Variants in KLHL22 observed in about 807,000 individuals in gnomAD.
KLHL22 encodes the protein kelch-like protein 22.
In KLHL22, 18 loss-of-function variants were observed where a neutral mutation model predicts 60.7. The observed-to-expected ratio is 0.30, with a 90% CI of 0.20 to 0.44. The LOEUF is 0.44. KLHL22 is among the 20% of genes least tolerant of loss of function. The pLI is 1.00. For synonymous variants in KLHL22, 355 were observed against 354.5 expected (o/e 1.00, Z -0.01); for missense variants, 596 against 852.3 (o/e 0.70, Z 3.74).
At chr22:20,476,330 T>C (rs965062347) in intron 2 of KLHL22, among the ~76,000 whole-genome samples, 12 of 151,952 alleles carry the variant, frequency 7.9e-5, no homozygotes, top group African/African-American at 2.7e-4. Context: ...TGGGACTATA[T>C]TGGCAGCAGT....
chr22:20,488,453 G>A (rs2053622600), intron 2 of KLHL22: 2 of 163,412 alleles, frequency 1.2e-5, no homozygotes, highest in Admixed American at 1.1e-4. Flanking sequence ...CATGTCAGGT[G>A]CTAGGGATAA....
At chr22:20,478,750 G>A (rs1236462006) in intron 2 of KLHL22, among the ~76,000 whole-genome samples, 1 of 148,422 alleles carries the variant, frequency 6.7e-6, no homozygotes, top group Non-Finnish European at 1.5e-5. Flanking sequence ...TCCTGACCTC[G>A]TGATCCTCCC....
At position 20,478,375 on chromosome 22, in the gene KLHL22, T is replaced by C. The variant is rs9623646; in HGVS notation, c.228-6860A>G. Among the ~76,000 whole-genome samples, 1,431 of 151,372 alleles carry C rather than the reference T, an allele frequency of 9.5e-3. 27 individuals are homozygous for C. The highest frequency in any genetic ancestry group is 0.033 in the African/African-American group (1,355 of 41,206). ...CATGCGCCACCACACCCGGCTAATT[T>C]TGTATTTTTAGAAGAGATGGGGTTT... On this transcript the variant is annotated intron_variant, in intron 2 of 6. Transcript: ENST00000328879.
chr22:20,456,765 G>A (rs371536206), intron 5 of KLHL22, among the ~76,000 whole-genome samples: 1 of 152,238 alleles, frequency 6.6e-6, no homozygotes, highest in Non-Finnish European at 1.5e-5. Flanking sequence ...CCTGGATAAA[G>A]AAGAGCTGGA....
At position 20,464,872 on chromosome 22, in the gene KLHL22, C is replaced by G; in HGVS notation, c.1098G>C (p.Glu366Asp). ...GDNNVQGFRAESRCWRYDPRH... is the reference protein window; with the variant it reads ...GDNNVQGFRADSRCWRYDPRH... The stretch of plus-strand genomic sequence containing the variant: ...CCCTGTCCTACCTCCAGCATCGGGA[C>G]TCTGCTCGAAATCCTTGGACATTGT... Residue 366 changes from glutamate (E) to aspartate (D), a missense_variant, in exon 4 of 7, where the codon GAG (glutamate) becomes GAC (aspartate). By Grantham distance (45) the Glu-to-Asp change is conservative. Coordinates refer to ENST00000328879, the MANE Select transcript of KLHL22 (RefSeq NM_032775.4). 1 of 1,537,138 alleles carries G rather than the reference C, an allele frequency of 6.5e-7. No individual in the cohort carries two copies. Among genetic ancestry groups the G allele is most frequent in the Non-Finnish European group, 8.8e-7 (1 of 1,141,046 alleles).
intron 5 of KLHL22, among the ~76,000 whole-genome samples, chr22:20,449,270 C>T (rs1307004191): frequency 6.6e-6 from 1 of 152,090 alleles, no homozygotes; most frequent in Non-Finnish European, 1.5e-5. Context: ...CCGTGTTAGC[C>T]AGGATGGTCT....
chr22:20,451,487 C>T, intron 5 of KLHL22: 1 of 1,596,304 alleles, frequency 6.3e-7, no homozygotes, highest in South Asian at 1.1e-5. Flanking sequence ...ACTAATGTTA[C>T]ACCAATGGCC....
rs555442224 is a variant in KLHL22, at chr22:20,457,856, G to A, written c.1257C>T (p.Tyr419=). 5.3e-5 allele frequency: 85 copies of A among 1,610,312 alleles called. No homozygotes were observed. The highest frequency in any genetic ancestry group is 1.7e-4 in the Middle Eastern group (1 of 6,060). ...ATGCCCAGGAGTTGGTGGCAGGGTC[G>A]TAGCGCTCCACAGCATTCAGGTCAT... ...YHNDLNAVER[Y]DPATNSWAYV... The change falls in exon 5 of 7, where the codon TAC becomes TAT. Residue 419 remains tyrosine (Y), a synonymous_variant. Transcript: ENST00000328879.
rs1309339263 is a variant in KLHL22 at position 20,470,181 on chromosome 22, A to AAT, written c.393+1167_393+1168dup. ...TAACAAGGCCCCATTCCTATAAAAA[A>AAT]ATATATATATATATAATATCAGCTA... On this transcript the variant is annotated intron_variant, in intron 3 of 6. Coordinates refer to ENST00000328879, the MANE Select transcript of KLHL22 (RefSeq NM_032775.4). Among the ~76,000 whole-genome samples the AAT allele has an allele frequency of 7.9e-5, 12 of 151,056 alleles. No individual in the cohort carries two copies. The East Asian group carries it at 1.4e-3, about 17-fold the overall frequency.
intron 5 of KLHL22, among the ~76,000 whole-genome samples, chr22:20,454,969 C>T (rs2053039620): frequency 6.6e-6 from 1 of 152,170 alleles, no homozygotes; most frequent in South Asian, 2.1e-4. Context: ...ACAACCTCTG[C>T]CTCCCGGGTT....
At chr22:20,455,666 G>A (rs2053052045) in intron 5 of KLHL22, among the ~76,000 whole-genome samples, 2 of 152,204 alleles carry the variant, frequency 1.3e-5, no homozygotes, top group Admixed American at 6.5e-5. Flanking sequence ...ACCCCCGGGA[G>A]CCTGTGTTGT....
chr22:20,480,175 G>C (rs561190007), intron 2 of KLHL22, among the ~76,000 whole-genome samples: 1 of 152,296 alleles, frequency 6.6e-6, no homozygotes, highest in Admixed American at 6.5e-5. Flanking sequence ...AAAGTAGAAT[G>C]GTAGCTGCCA....
chr22:20,451,632 T>A (rs1246087521), intron 5 of KLHL22: 2 of 1,605,408 alleles, frequency 1.2e-6, no homozygotes, highest in Admixed American at 3.3e-5. Flanking sequence ...CTGCCACCAG[T>A]ATGACCACTC....
intron 1 of KLHL22, chr22:20,493,116 A>C (rs1158612223): frequency 2.1e-6 from 1 of 470,738 alleles, no homozygotes; most frequent in Admixed American, 2.4e-5. Context: ...CAACTACCCC[A>C]ATAGACATCA....
chr22:20,484,097 GA>G, intron 2 of KLHL22: 1 of 948,314 alleles, frequency 1.1e-6, no homozygotes, highest in Non-Finnish European at 1.7e-6. Flanking sequence ...AGCGAGTGGT[GA>G]AGCTCATGCT....
chr22:20,451,783 C>T, intron 5 of KLHL22: 1 of 1,600,650 alleles, frequency 6.2e-7, no homozygotes, highest in Non-Finnish European at 8.6e-7. Flanking sequence ...CATGGGAACC[C>T]AGCGCTGTGA....
chr22:20,446,699 A>G (rs1261405695), intron 5 of KLHL22, 23 bp from the exon 6 acceptor site: 2 of 1,588,130 alleles, frequency 1.3e-6, no homozygotes, highest in Non-Finnish European at 1.7e-6. Context: ...ACCAGGAGAA[A>G]TGGCGTGAGA....
chr22:20,461,991 G>A (rs959688118), intron 4 of KLHL22, among the ~76,000 whole-genome samples: 3 of 152,114 alleles, frequency 2.0e-5, no homozygotes, highest in Admixed American at 6.6e-5. Flanking sequence ...TCAGCCACTC[G>A]GGAGGCTGAG....
intron 5 of KLHL22, among the ~76,000 whole-genome samples, chr22:20,457,290 C>G (rs1306857632): frequency 1.3e-5 from 2 of 151,568 alleles, no homozygotes; most frequent in African/African-American, 4.9e-5. Context: ...TTCAAGTTGT[C>G]CCAATATTCA....
Sources: allele counts gnomAD v4.1 joint callset (sites outside exome capture counted in the v4.1 genomes callset), GRCh38; gene constraint gnomAD v4.1.1; transcripts MANE v1.5; gene names NCBI Gene and HGNC (gene_info 2026-07-23, HGNC 2026-07-21).